EXOC6B: variants seen among roughly 807,000 people sequenced by gnomAD.
The protein encoded by EXOC6B is exocyst complex component 6B.
Under a neutral mutation model 113.5 loss-of-function variants are expected in EXOC6B, and 54 were observed. The observed-to-expected ratio is 0.48, with a 90% CI of 0.38 to 0.60. EXOC6B has a LOEUF of 0.60. Ranked by LOEUF, EXOC6B falls within the 20% of genes least tolerant of loss-of-function variation. The pLI, the probability that EXOC6B is intolerant of heterozygous loss-of-function variation, is 0.00. For synonymous variants in EXOC6B, 357 were observed against 339.0 expected, an observed-to-expected ratio of 1.05 and a Z score of -0.58; for missense variants, 797 against 977.5, an observed-to-expected ratio of 0.82 and a Z score of 2.46.
intron 6 of EXOC6B, among the ~76,000 whole-genome samples, chr2:72,609,355 G>A (rs1177316225): frequency 3.3e-5 from 5 of 151,724 alleles, no homozygotes; most frequent in African/African-American, 9.7e-5. Flanking sequence ...CAAACAAGAG[G>A]GAAAAGGTAG....
At chr2:72,556,129 C>T (rs926556291) in intron 8 of EXOC6B, among the ~76,000 whole-genome samples, 2 of 152,168 alleles carry the variant, frequency 1.3e-5, no homozygotes, top group Non-Finnish European at 2.9e-5. Context: ...GAGCAAAGGT[C>T]GAGGCAACAG....
intron 19 of EXOC6B, among the ~76,000 whole-genome samples, chr2:72,341,568 T>C (rs2104907186): frequency 6.6e-6 from 1 of 152,250 alleles, no homozygotes; most frequent in East Asian, 1.9e-4. Context: ...CAGGAGGATA[T>C]GGACCTAACA....
At chr2:72,818,293 T>C (rs976020271) in intron 1 of EXOC6B, among the ~76,000 whole-genome samples, 37 of 150,534 alleles carry the variant, frequency 2.5e-4, no homozygotes, top group African/African-American at 8.3e-4. Flanking sequence ...TACAGGTGCC[T>C]GCCACCAGGC....
intron 5 of EXOC6B, among the ~76,000 whole-genome samples, chr2:72,726,707 A>G (rs1573697936): frequency 6.6e-6 from 1 of 152,176 alleles, no homozygotes; most frequent in East Asian, 1.9e-4. Context: ...AAAATGGAAG[A>G]ATATCATTAT....
chr2:72,254,021 G>C (rs973882260), intron 20 of EXOC6B, among the ~76,000 whole-genome samples: 1 of 151,928 alleles, frequency 6.6e-6, no homozygotes, highest in African/African-American at 2.4e-5. Flanking sequence ...TTAGCTGGGC[G>C]TGGTGGTGGG....
intron 6 of EXOC6B, among the ~76,000 whole-genome samples, chr2:72,641,459 G>A (rs1322987065): frequency 6.6e-6 from 1 of 152,266 alleles, no homozygotes; most frequent in Non-Finnish European, 1.5e-5. Flanking sequence ...CTTGCTCACT[G>A]CTAGTGCAGC....
intron 6 of EXOC6B, among the ~76,000 whole-genome samples, chr2:72,650,983 A>C (rs544394861): frequency 1.3e-5 from 2 of 152,250 alleles, no homozygotes; most frequent in Admixed American, 1.3e-4. Flanking sequence ...CATCTCTTAA[A>C]AAGAAAAACA....
intron 6 of EXOC6B, among the ~76,000 whole-genome samples, chr2:72,684,142 G>T (rs113426442): frequency 0.012 from 1,843 of 152,176 alleles, 21 homozygotes; most frequent in Non-Finnish European, 0.021. Context: ...ATGTTGGCTG[G>T]TCTTGAACGC....
intron 8 of EXOC6B, among the ~76,000 whole-genome samples, chr2:72,543,305 T>C (rs988568096): frequency 4.6e-5 from 7 of 152,212 alleles, no homozygotes; most frequent in Non-Finnish European, 8.8e-5. Context: ...ACTGTCTTGA[T>C]AAGGTTAAAA....
chr2:72,669,344 T>C (rs922578700), intron 6 of EXOC6B, among the ~76,000 whole-genome samples: 2 of 151,580 alleles, frequency 1.3e-5, no homozygotes, highest in African/African-American at 4.8e-5. Context: ...GAAAGATGAT[T>C]CACTTAAAAA....
chr2:72,456,824 G>A (rs911156427), intron 18 of EXOC6B, among the ~76,000 whole-genome samples: 2 of 152,046 alleles, frequency 1.3e-5, no homozygotes, highest in African/African-American at 4.8e-5. Context: ...GACATGTCCA[G>A]CCCAAGGTAA....
chr2:72,416,383 G>T (rs752853277), intron 18 of EXOC6B, among the ~76,000 whole-genome samples: 2 of 152,172 alleles, frequency 1.3e-5, no homozygotes, highest in Non-Finnish European at 2.9e-5. Flanking sequence ...AATGTGGTGC[G>T]TTTTACTCTG....
At chr2:72,404,190 G>A (rs1693558567) in intron 18 of EXOC6B, among the ~76,000 whole-genome samples, 2 of 152,202 alleles carry the variant, frequency 1.3e-5, no homozygotes, top group Non-Finnish European at 2.9e-5. Context: ...CAAGGCTTGA[G>A]TAGGTAGACA....
chr2:72,653,735 C>A (rs995925061), intron 6 of EXOC6B, among the ~76,000 whole-genome samples: 1 of 151,528 alleles, frequency 6.6e-6, no homozygotes, highest in Non-Finnish European at 1.5e-5. Flanking sequence ...TGATTTGATA[C>A]CTAACATTTG....
At chr2:72,512,367 A>AAG (rs1558748450) in intron 11 of EXOC6B, among the ~76,000 whole-genome samples, 54 of 13,638 alleles carry the variant, frequency 4.0e-3, no homozygotes, top group South Asian at 0.014. Flanking sequence ...AAGGAAGGAA[A>AAG]GAAGGAAGGA....
intron 20 of EXOC6B, among the ~76,000 whole-genome samples, chr2:72,197,684 G>A (rs1049785615): frequency 2.4e-4 from 37 of 151,992 alleles, no homozygotes; most frequent in Admixed American, 1.4e-3. Flanking sequence ...GTCTCAGGTC[G>A]GACTGAAGGA....
intron 17 of EXOC6B, among the ~76,000 whole-genome samples, chr2:72,468,342 AC>A (rs1698187815): frequency 6.6e-6 from 1 of 152,160 alleles, no homozygotes; most frequent in African/African-American, 2.4e-5. Context: ...GAGATGAGGA[AC>A]AAATTTCATT....
chr2:72,272,380 G>C (rs894306499), intron 20 of EXOC6B, among the ~76,000 whole-genome samples: 1 of 152,086 alleles, frequency 6.6e-6, no homozygotes, highest in Admixed American at 6.6e-5. Flanking sequence ...TCCAATTATG[G>C]TAATTCATTC....
chr2:72,514,980 C>T (rs1314371935), intron 9 of EXOC6B, 63 bp downstream of exon 9: 16 of 1,331,452 alleles, frequency 1.2e-5, no homozygotes, highest in South Asian at 1.0e-4. Flanking sequence ...CACACACACA[C>T]GCATCAAAAG....
Sources: allele counts gnomAD v4.1 joint callset (sites outside exome capture counted in the v4.1 genomes callset), GRCh38; gene constraint gnomAD v4.1.1; transcripts MANE v1.5; gene names NCBI Gene and HGNC (gene_info 2026-07-23, HGNC 2026-07-21).